RNF128: variants seen among roughly 807,000 people sequenced by gnomAD.
The protein encoded by RNF128 is ring finger protein 128.
In RNF128, 13 loss-of-function variants were observed where a neutral mutation model predicts 26.2. The observed-to-expected ratio is 0.50, with a 90% confidence interval of 0.32 to 0.79. The LOEUF (loss-of-function observed/expected upper bound fraction) is 0.79. Among genes scored for constraint, RNF128 ranks in the 30% least tolerant of loss-of-function variants. RNF128 has a pLI of 0.03. For synonymous variants in RNF128, 149 were observed against 142.5 expected (o/e 1.05, Z -0.32); for missense variants, 315 against 349.7 (o/e 0.90, Z 0.79).
rs753639969 is a variant in RNF128, at chrX:106,729,408, T to TTA, written c.484+2024_484+2025dup. On this transcript the variant is annotated intron_variant, in intron 1 of 6. Coordinates refer to ENST00000255499, the MANE Select transcript of RNF128 (RefSeq NM_194463.2). ...TTTATGTTGCTGTGATTATTAAGGA[T>TTA]TATATATATATATACTACCCAGCTG... Among the ~76,000 whole-genome samples, 310 of 109,389 alleles carry TTA rather than the reference T, an allele frequency of 2.8e-3. 2 individuals carry two copies. Among genetic ancestry groups the TTA allele is most frequent in the Non-Finnish European group, 4.3e-3 (227 of 52,347 alleles). The allele number at this position is 109,389 out of a possible 115,157, so 95.0% of individuals were successfully genotyped here.
chrX:106,704,360 G>T (rs1467350333), intron 1 of RNF128, among the ~76,000 whole-genome samples: 2 of 106,441 alleles, frequency 1.9e-5, no homozygotes, highest in African/African-American at 3.4e-5. Context: ...GTGAACCCGG[G>T]AGGCGGAGCT....
intron 1 of RNF128, among the ~76,000 whole-genome samples, chrX:106,734,797 T>G (rs1257816319): frequency 1.8e-5 from 2 of 112,093 alleles, no homozygotes; most frequent in Non-Finnish European, 3.8e-5. Context: ...ATCAATTTTG[T>G]TTCCTGAGGG....
intron 1 of RNF128, among the ~76,000 whole-genome samples, chrX:106,709,099 T>C (rs935015579): frequency 2.7e-5 from 3 of 111,836 alleles, no homozygotes; most frequent in Admixed American, 9.5e-5. Context: ...ATAACTCCAA[T>C]TATAGAACTT....
In RNF128 at chrX:106,727,081, G is replaced by C. The variant is rs1377356394; in HGVS notation, c.168G>C (p.Thr56=). The part of the protein sequence containing the change: ...YLNVSWRVPH[T]GVNRTVWELS... The stretch of plus-strand genomic sequence containing the variant: ...ACGTGTCCTGGCGGGTTCCGCACAC[G>C]GGAGTGAACCGTACGGTGTGGGAGC... The change falls in exon 1 of 7, where the codon ACG becomes ACC. Residue 56 remains threonine, a synonymous_variant. Coordinates refer to ENST00000255499, the MANE Select transcript of RNF128 (RefSeq NM_194463.2). 8.3e-7 allele frequency: 1 copy of C among 1,203,843 alleles called. No homozygotes were observed.
intron 2 of RNF128, among the ~76,000 whole-genome samples, chrX:106,778,126 C>CTAT (rs1930501330): frequency 9.0e-6 from 1 of 111,249 alleles, no homozygotes; most frequent in Admixed American, 9.6e-5. Flanking sequence ...CAACAGTAGA[C>CTAT]TATTAGTAGT....
At chrX:106,750,684 C>G (rs745465290) in intron 1 of RNF128, among the ~76,000 whole-genome samples, 8 of 110,909 alleles carry the variant, frequency 7.2e-5, no homozygotes, top group Non-Finnish European at 1.5e-4. Context: ...TTCTGTAGAA[C>G]CAAGCTTGAT....
chrX:106,705,363 A>G (rs1002156202), intron 1 of RNF128, among the ~76,000 whole-genome samples: 6 of 112,399 alleles, frequency 5.3e-5, no homozygotes, highest in Admixed American at 9.4e-5. Flanking sequence ...CTAATTACCT[A>G]TCTGCATTGA....
At position 106,696,747 on chromosome X, in the gene RNF128, G is replaced by A. The variant is rs1212939814; in HGVS notation, c.406+2339G>A. On this transcript the variant is annotated intron_variant, in intron 1 of 6. Coordinates refer to the RNF128 transcript ENST00000324342. ...AGGTCTTACTAAGCACTTCCACAATGTTGTGTCTCTCTGCTTCTTTCTAAT... is the reference window on the plus strand; with the variant it reads ...AGGTCTTACTAAGCACTTCCACAATATTGTGTCTCTCTGCTTCTTTCTAAT... 3.6e-5 allele frequency among the ~76,000 whole-genome samples: 4 copies of A among 111,393 alleles called. No individual in the cohort carries two copies. In the East Asian group the frequency reaches 1.1e-3, roughly 31 times the overall value.
intron 1 of RNF128, 33 bp from the exon 2 acceptor site, chrX:106,772,880 C>G: frequency 8.4e-7 from 1 of 1,184,025 alleles, no homozygotes; most frequent in Non-Finnish European, 1.1e-6. Flanking sequence ...GAATGTTTCA[C>G]CAAACTAAAA....
intron 2 of RNF128, among the ~76,000 whole-genome samples, chrX:106,780,410 C>G (rs924165232): frequency 9.0e-6 from 1 of 111,564 alleles, no homozygotes; most frequent in Non-Finnish European, 1.9e-5. Flanking sequence ...CTAACTAGAG[C>G]GAATGCAGCT....
intron 3 of RNF128, among the ~76,000 whole-genome samples, chrX:106,786,719 T>C (rs1437667177): frequency 9.0e-6 from 1 of 111,061 alleles, no homozygotes; most frequent in Non-Finnish European, 1.9e-5. Context: ...GTTAAAGGGC[T>C]GTACCCAGAA....
intron 1 of RNF128, among the ~76,000 whole-genome samples, chrX:106,767,411 C>T (rs1206465781): frequency 1.8e-5 from 2 of 111,579 alleles, no homozygotes; most frequent in Admixed American, 1.9e-4. Context: ...TTGTAGTTCT[C>T]CTTGAGGAGG....
At chrX:106,760,501 A>T (rs1277624186) in intron 1 of RNF128, among the ~76,000 whole-genome samples, 7 of 112,182 alleles carry the variant, frequency 6.2e-5, no homozygotes, top group Non-Finnish European at 1.3e-4. Context: ...ACTGGCAAGG[A>T]TGTGGAGAAA....
chrX:106,793,292 C>T (rs750856615), intron 6 of RNF128, among the ~76,000 whole-genome samples: 170 of 111,255 alleles, frequency 1.5e-3, no homozygotes, highest in African/African-American at 5.5e-3. Context: ...AGATTTTAAA[C>T]TTTGCTGATG....
At chrX:106,699,344 C>G (rs1484205693) in intron 1 of RNF128, among the ~76,000 whole-genome samples, 1 of 112,516 alleles carries the variant, frequency 8.9e-6, no homozygotes, top group Non-Finnish European at 1.9e-5. Context: ...CTGGTTTTCT[C>G]TCTGTTTTTT....
intron 1 of RNF128, among the ~76,000 whole-genome samples, chrX:106,719,348 G>A (rs1602366461): frequency 9.0e-6 from 1 of 110,720 alleles, no homozygotes; most frequent in East Asian, 2.9e-4. Flanking sequence ...AGCCTCTCGA[G>A]TACCTGGGAT....
At chrX:106,743,951 T>C (rs1259226839) in intron 1 of RNF128, among the ~76,000 whole-genome samples, 1 of 111,547 alleles carries the variant, frequency 9.0e-6, no homozygotes, top group Non-Finnish European at 1.9e-5. Flanking sequence ...ATGTCCTTTG[T>C]AGGGACATGG....
chrX:106,723,231 T>A (rs1442992618), upstream of RNF128, among the ~76,000 whole-genome samples: 3 of 112,473 alleles, frequency 2.7e-5, no homozygotes, highest in Admixed American at 9.4e-5. Context: ...TTGCTTTATG[T>A]ATGTGTATAC....
chrX:106,765,812 A>C (rs5962742), intron 1 of RNF128, among the ~76,000 whole-genome samples: 24,871 of 109,527 alleles, frequency 0.23, 2,817 homozygotes, highest in Non-Finnish European at 0.33. Context: ...GGTGTGCTGC[A>C]CCCATTAACT....
Sources: gnomAD v4.1 joint callset for allele counts (sites outside exome capture counted in the v4.1 genomes callset) on GRCh38, gnomAD v4.1.1 for gene constraint, MANE v1.5 for transcripts, NCBI Gene and HGNC (gene_info 2026-07-23, HGNC 2026-07-21) for gene names.